PDE6A: variants seen among roughly 807,000 people sequenced by gnomAD.
PDE6A encodes the protein rod cGMP-specific 3',5'-cyclic phosphodiesterase subunit alpha.
In PDE6A, 84 loss-of-function variants were observed where a neutral mutation model predicts 106.3. The ratio of observed to expected loss-of-function variants is 0.79; its 90% CI spans 0.66 to 0.95. The LOEUF is 0.95. Ranked by LOEUF, PDE6A falls within the 40% of genes least tolerant of loss-of-function variation. The pLI is 0.00. For synonymous variants in PDE6A, 394 were observed against 386.6 expected (o/e 1.02, Z -0.23); for missense variants, 1,052 against 1,084.9 (o/e 0.97, Z 0.43).
intron 17 of PDE6A, among the ~76,000 whole-genome samples, chr5:149,870,771 CAAAA>C (rs3078093): frequency 2.2e-4 from 14 of 64,404 alleles, no homozygotes; most frequent in African/African-American, 8.0e-4. Context: ...GAACACAGGG[CAAAA>C]AAAAAAAAAA....
In PDE6A at chr5:149,933,345, G is replaced by A. The variant is rs533288737; in HGVS notation, c.717+585C>T. On this transcript the variant is annotated intron_variant, in intron 3 of 21. Transcript: ENST00000255266. The stretch of plus-strand genomic sequence containing the variant: ...TTACTATGTTTCCCAGGCTGGTCTC[G>A]AACTTCTGGGCTCAAGCAATCTTCC... Among the ~76,000 whole-genome samples the A allele has an allele frequency of 9.2e-5, 14 of 152,080 alleles. No individual in the cohort carries two copies. In the South Asian group the frequency reaches 2.7e-3, roughly 29 times the overall value.
At chr5:149,899,856 G>A (rs1752902519) in intron 8 of PDE6A, among the ~76,000 whole-genome samples, 1 of 152,168 alleles carries the variant, frequency 6.6e-6, no homozygotes, top group African/African-American at 2.4e-5. Flanking sequence ...AGTGGCAGGG[G>A]ACTGGCTTAA....
Position 149,896,517 on chromosome 5 carries a change from G to A in PDE6A, c.1474-15C>T, listed in dbSNP as rs776195145. The A allele has an allele frequency of 1.2e-6, 2 of 1,614,162 alleles. No individual in the cohort carries two copies. The highest frequency in any genetic ancestry group is 1.7e-5 in the Admixed American group (1 of 60,016). On this transcript the variant is annotated splice_polypyrimidine_tract_variant and intron_variant, in intron 11 of 21. Transcript: ENST00000255266. ...AGCTCCGCTTGCTGTATAAGGAATA[G>A]AGTCAGGTGATTAGGAAACATGAAG... is the stretch of plus-strand genomic sequence containing the variant.
chr5:149,929,395 G>C (rs898105926), intron 4 of PDE6A, among the ~76,000 whole-genome samples: 1 of 151,914 alleles, frequency 6.6e-6, no homozygotes, highest in African/African-American at 2.4e-5. Flanking sequence ...TCACGAGGTC[G>C]GGAGATTGAG....
In PDE6A at chr5:149,860,875, C is replaced by T; in HGVS notation, c.*20G>A. 1.2e-6 allele frequency: 2 copies of T among 1,604,236 alleles called. No individual in the cohort carries two copies. Among genetic ancestry groups the T allele is most frequent in the Non-Finnish European group, 1.7e-6 (2 of 1,171,060 alleles). ...CCCAGGAAAGGGTGGTGCCGTCCAG[C>T]CAGCACATCCCCAGTGGTGTTACTG... On this transcript the variant is annotated 3_prime_UTR_variant, in exon 22 of 22. Coordinates refer to ENST00000255266, the MANE Select transcript of PDE6A (RefSeq NM_000440.3).
intron 13 of PDE6A, among the ~76,000 whole-genome samples, chr5:149,890,019 G>A (rs1376300562): frequency 2.0e-5 from 3 of 146,486 alleles, no homozygotes; most frequent in African/African-American, 5.1e-5. Context: ...GCAGTGGCAC[G>A]ATCTCAACTC....
rs116225400 is a variant in PDE6A, at chr5:149,866,031, G to A, written c.2358+139C>T. The A allele has an allele frequency of 5.5e-4, 383 of 695,718 alleles. No homozygotes were observed. The African/African-American group carries it at 5.6e-3, about 10-fold the overall frequency. The allele number at this position is 695,718 out of a possible 1,614,324, so 43.1% of individuals were successfully genotyped here. On this transcript the variant is annotated intron_variant, in intron 20 of 21. Coordinates refer to ENST00000255266, the MANE Select transcript of PDE6A (RefSeq NM_000440.3). ...GACCCATAGAGCTGTCCTGAGAATC[G>A]AATGCCATTAGAGATGAGAAGCGCT...
intron 17 of PDE6A, among the ~76,000 whole-genome samples, chr5:149,878,644 G>C (rs916811484): frequency 1.3e-5 from 2 of 152,176 alleles, no homozygotes; most frequent in Admixed American, 6.5e-5. Context: ...TGGGGAACGA[G>C]GTGGCCCTTT....
chr5:149,860,181 C>G lies in PDE6A; in HGVS notation c.*714G>C, dbSNP rs1398735404. ...TGCTGGGATTACAGGTGTGAGCCAC[C>G]ACGCCTGGCCAGGATTTGCCTTTAA... On this transcript the variant is annotated 3_prime_UTR_variant, in exon 22 of 22. Transcript: ENST00000255266. The G allele has an allele frequency of 3.3e-5, 5 of 152,084 alleles. No individual in the cohort carries two copies. Among genetic ancestry groups the G allele is most frequent in the Non-Finnish European group, 7.3e-5 (5 of 68,048 alleles). The allele number at this position is 152,084 out of a possible 1,614,324, so 9.4% of individuals were successfully genotyped here. A position where few individuals can be genotyped will look rare whatever the true frequency, so the allele number is the denominator to read the frequency against.
At chr5:149,869,109 C>G (rs1760441311) in intron 17 of PDE6A, among the ~76,000 whole-genome samples, 1 of 152,302 alleles carries the variant, frequency 6.6e-6, no homozygotes, top group East Asian at 1.9e-4. Flanking sequence ...GTGGGCGGAT[C>G]ACTTGCAGTC....
At chr5:149,895,531 G>A (rs915136971) in intron 12 of PDE6A, among the ~76,000 whole-genome samples, 6 of 152,050 alleles carry the variant, frequency 3.9e-5, no homozygotes, top group African/African-American at 1.4e-4. Flanking sequence ...GTTAGGAAAC[G>A]AGGTGAGCAT....
chr5:149,928,318 A>G (rs1753930311), intron 4 of PDE6A, among the ~76,000 whole-genome samples: 1 of 143,586 alleles, frequency 7.0e-6, no homozygotes, highest in South Asian at 2.2e-4. Context: ...GCTCACTGCA[A>G]CCTCCACCTC....
At chr5:149,941,916 G>A (rs565703412) in intron 1 of PDE6A, among the ~76,000 whole-genome samples, 4 of 151,416 alleles carry the variant, frequency 2.6e-5, no homozygotes, top group African/African-American at 4.9e-5. Context: ...TCACCCAGCC[G>A]ATTGGATGGT....
intron 4 of PDE6A, among the ~76,000 whole-genome samples, chr5:149,928,614 C>G (rs923136693): frequency 6.6e-6 from 1 of 152,074 alleles, no homozygotes; most frequent in Admixed American, 6.6e-5. Context: ...GTGAAGAATG[C>G]GTTGCACTAT....
chr5:149,938,673 T>A (rs957092230), intron 1 of PDE6A, among the ~76,000 whole-genome samples: 18 of 152,242 alleles, frequency 1.2e-4, no homozygotes, highest in African/African-American at 2.7e-4. Flanking sequence ...CTATAAATAA[T>A]TTTTTAGTGT....
intron 1 of PDE6A, among the ~76,000 whole-genome samples, chr5:149,935,136 C>T (rs1045951445): frequency 6.6e-6 from 1 of 152,174 alleles, no homozygotes; most frequent in African/African-American, 2.4e-5. Flanking sequence ...ATTTTACCTG[C>T]GTTATCTTAC....
At chr5:149,914,377 T>C (rs1294124577) in intron 6 of PDE6A, among the ~76,000 whole-genome samples, 9 of 151,888 alleles carry the variant, frequency 5.9e-5, no homozygotes, top group Non-Finnish European at 8.8e-5. Flanking sequence ...TTTTGGAAGT[T>C]GATAATGTAC....
chr5:149,922,329 G>A (rs551624654), intron 4 of PDE6A, among the ~76,000 whole-genome samples: 42 of 140,874 alleles, frequency 3.0e-4, no homozygotes, highest in South Asian at 1.2e-3. Flanking sequence ...TTATTATTTT[G>A]GAGACAGGGT....
intron 4 of PDE6A, among the ~76,000 whole-genome samples, chr5:149,924,045 C>A (rs985681104): frequency 2.0e-5 from 3 of 152,142 alleles, no homozygotes; most frequent in African/African-American, 7.2e-5. Context: ...AAATTTAATT[C>A]TAGGTGAACA....
Sources: allele counts gnomAD v4.1 joint callset (sites outside exome capture counted in the v4.1 genomes callset), GRCh38; gene constraint gnomAD v4.1.1; transcripts MANE v1.5; gene names NCBI Gene and HGNC (gene_info 2026-07-23, HGNC 2026-07-21).